Variants in PGAP2 observed in about 807,000 individuals in gnomAD.
PGAP2 encodes the protein acyltransferase PGAP2.
Under a neutral mutation model 33.2 loss-of-function variants are expected in PGAP2, and 21 were observed. That is an observed-to-expected ratio of 0.63 (90% CI 0.45 to 0.91). PGAP2 has a LOEUF of 0.91. Among genes scored for constraint, PGAP2 ranks in the 40% least tolerant of loss-of-function variants. The pLI is 0.00. For missense variants in PGAP2, 345 were observed against 424.0 expected, an observed-to-expected ratio of 0.81 and a Z score of 1.64; for synonymous variants, 161 against 172.9, an observed-to-expected ratio of 0.93 and a Z score of 0.54.
At chr11:3,798,636 T>C (rs1276020094) in intron 1 of PGAP2, among the ~76,000 whole-genome samples, 6 of 9,908 alleles carry the variant, frequency 6.1e-4, no homozygotes, top group African/African-American at 1.1e-3. Flanking sequence ...CATGAACTAA[T>C]TTTTTTTTTT....
In PGAP2 at chr11:3,825,056, A is replaced by T; in HGVS notation, c.745A>T (p.Ile249Phe). The T allele has an allele frequency of 6.2e-7, 1 of 1,614,150 alleles. No individual in the cohort carries two copies. Among genetic ancestry groups the T allele is most frequent in the Non-Finnish European group, 8.5e-7 (1 of 1,180,010 alleles). The change falls in exon 6 of 7, where the codon ATC (isoleucine) becomes TTC (phenylalanine). Residue 249 changes from isoleucine (I) to phenylalanine (F), a missense_variant. Transcript: ENST00000278243. ...CTACAGCTGGAAACAGCGGCTCTTC[A>T]TCATCAACTTCATCTCCTTCTTCTC... Reference protein sequence around the residue: ...KSYSWKQRLFIINFISFFSAL... With the variant: ...KSYSWKQRLFFINFISFFSAL...
chr11:3,822,227 G>A (rs1456230992), intron 3 of PGAP2, among the ~76,000 whole-genome samples: 1 of 152,056 alleles, frequency 6.6e-6, no homozygotes, highest in Non-Finnish European at 1.5e-5. Context: ...AGCCGGGCGT[G>A]GTGACGGGCG....
At chr11:3,817,253 C>G in intron 2 of PGAP2, 100 bp from the exon 3 acceptor site, 1 of 890,912 alleles carries the variant, frequency 1.1e-6, no homozygotes, top group South Asian at 1.6e-5. Context: ...TCTGCTCTGG[C>G]TTTTCCTTAT....
chr11:3,819,534 G>A (rs780540070), intron 3 of PGAP2, among the ~76,000 whole-genome samples: 20 of 151,924 alleles, frequency 1.3e-4, no homozygotes, highest in Non-Finnish European at 2.4e-4. Flanking sequence ...AATGTGGGGG[G>A]ACTTTTACCT....
At chr11:3,825,282 G>A (rs1361261397) in intron 6 of PGAP2, 46 bp from the exon 7 acceptor site, 1 of 1,600,866 alleles carries the variant, frequency 6.2e-7, no homozygotes, top group Non-Finnish European at 8.5e-7. Context: ...CTCTGAGCGG[G>A]TAGCTGGAAG....
At chr11:3,814,815 T>TTTCTTTCTCG (rs2086584302) in intron 2 of PGAP2, among the ~76,000 whole-genome samples, 1 of 121,304 alleles carries the variant, frequency 8.2e-6, no homozygotes, top group African/African-American at 2.8e-5. Flanking sequence ...TTTCTTTCTC[T>TTTCTTTCTCG]TTCTTTCTTT....
At chr11:3,819,261 G>A (rs1231546209) in intron 3 of PGAP2, among the ~76,000 whole-genome samples, 1 of 152,032 alleles carries the variant, frequency 6.6e-6, no homozygotes, top group Non-Finnish European at 1.5e-5. Flanking sequence ...GCCATGTTGT[G>A]TAGGCTGGAG....
intron 1 of PGAP2, among the ~76,000 whole-genome samples, chr11:3,798,719 C>T (rs541524806): frequency 1.5e-3 from 224 of 150,956 alleles, no homozygotes; most frequent in African/African-American, 5.3e-3. Context: ...TCTCGGCTCA[C>T]TGCAATCTCC....
upstream of PGAP2, chr11:3,808,062 C>G (rs2084744537): frequency 2.1e-6 from 3 of 1,419,538 alleles, no homozygotes; most frequent in Non-Finnish European, 2.8e-6. Flanking sequence ...TGGGATGTGC[C>G]TCACCGGGTC....
Position 3,825,775 on chromosome 11 carries a change from A to T in PGAP2, c.*317A>T, listed in dbSNP as rs2089924722. The T allele has an allele frequency of 4.0e-6, 1 of 247,010 alleles. No individual in the cohort carries two copies. Among genetic ancestry groups the T allele is most frequent in the African/African-American group, 2.2e-5 (1 of 44,694 alleles). The allele number at this position is 247,010 out of a possible 1,614,324, so 15.3% of individuals were successfully genotyped here. A position where few individuals can be genotyped will look rare whatever the true frequency, so the allele number is the denominator to read the frequency against. On this transcript the variant is annotated 3_prime_UTR_variant, in exon 7 of 7. Transcript: ENST00000278243. ...GACCACCATCCAGTTTCTGGCCTTTACACAGTCACCTTTCACTGAGGTCAG... is the reference window on the plus strand; with the variant it reads ...GACCACCATCCAGTTTCTGGCCTTTTCACAGTCACCTTTCACTGAGGTCAG...
chr11:3,823,054 T>TTTTTTTTTTTTTTG lies in PGAP2; in HGVS notation c.349-829_349-828insTTTTTTTTTTTTTG, dbSNP rs1316682518. 1.4e-5 allele frequency: 8 copies of TTTTTTTTTTTTTTG among 565,094 alleles called. 1 individual carries two copies. In the African/African-American group the frequency reaches 1.9e-4, roughly 14 times the overall value. The allele number at this position is 565,094 out of a possible 1,614,324, so 35.0% of individuals were successfully genotyped here. On this transcript the variant is annotated intron_variant, in intron 3 of 6. Coordinates refer to ENST00000278243, the MANE Select transcript of PGAP2 (RefSeq NM_014489.4). ...TTTTTTTTTTTTTTTTTTTTTTTTT[T>TTTTTTTTTTTTTTG]GAGACAGAGTCTCACTCTGTTGCCC...
At position 3,811,505 on chromosome 11, in the gene PGAP2, A is replaced by T. The variant is rs1196498772; in HGVS notation, c.165+81A>T. ...ATCTTGAATATCTTTTAACAAGATT[A>T]GCCAGCTCTCCACTGGGGCCCATCA... On this transcript the variant is annotated intron_variant, in intron 2 of 6. Coordinates refer to ENST00000278243, the MANE Select transcript of PGAP2 (RefSeq NM_014489.4). This position sits in a 1 kb window ranked among gnomAD's most constrained non-coding sequence, Gnocchi z 4.6. 7.4e-7 allele frequency: 1 copy of T among 1,354,978 alleles called. No individual in the cohort carries two copies. Among genetic ancestry groups the T allele is most frequent in the African/African-American group, 1.4e-5 (1 of 69,178 alleles). The allele number at this position is 1,354,978 out of a possible 1,614,324, so 83.9% of individuals were successfully genotyped here.
upstream of PGAP2, chr11:3,808,550 C>T (rs1055100903): frequency 5.8e-6 from 8 of 1,391,008 alleles, no homozygotes; most frequent in African/African-American, 1.2e-4. Context: ...GCGCCGGCCC[C>T]GCCCCCGCCG....
At chr11:3,799,745 G>A (rs1469280630) in intron 1 of PGAP2, among the ~76,000 whole-genome samples, 2 of 152,178 alleles carry the variant, frequency 1.3e-5, no homozygotes, top group African/African-American at 2.4e-5. Context: ...AAGGTAGGAG[G>A]ATCACTTGAA....
chr11:3,825,223 C>G (rs762194199), intron 6 of PGAP2, 95 bp downstream of exon 6: 1 of 1,558,280 alleles, frequency 6.4e-7, no homozygotes, highest in Non-Finnish European at 8.8e-7. Context: ...GACTGGCTGC[C>G]ATTGTGTTCT....
chr11:3,814,756 CTTTCT>C (rs1565011600), intron 2 of PGAP2, among the ~76,000 whole-genome samples: 1 of 47,820 alleles, frequency 2.1e-5, no homozygotes, highest in Non-Finnish European at 4.5e-5. Context: ...TCTTTTCTTT[CTTTCT>C]TTCTTTCTTT....
At chr11:3,816,469 T>G (rs997806151) in intron 2 of PGAP2, among the ~76,000 whole-genome samples, 1 of 151,828 alleles carries the variant, frequency 6.6e-6, no homozygotes, top group African/African-American at 2.4e-5. Context: ...GAGAAGAGAT[T>G]GGAAGAAGCT....
At position 3,811,316 on chromosome 11, in the gene PGAP2, C is replaced by T. The variant is rs1482050810; in HGVS notation, c.57C>T (p.Phe19=). 6.2e-7 allele frequency: 1 copy of T among 1,614,092 alleles called. No individual in the cohort carries two copies. The highest frequency in any genetic ancestry group is 8.5e-7 in the Non-Finnish European group (1 of 1,179,946). The part of the protein sequence containing the change: ...DRDGTLVRLR[F]TMVALVTVCC... ...ATGGGACCCTGGTACGGCTCCGCTTCACCATGGTGGCCCTGGTCACGGTCT... is the reference window on the plus strand; with the variant it reads ...ATGGGACCCTGGTACGGCTCCGCTTTACCATGGTGGCCCTGGTCACGGTCT... The change falls in exon 2 of 7, where the codon TTC becomes TTT. Residue 19 remains phenylalanine (F), a synonymous_variant. Transcript: ENST00000278243. The surrounding 1 kb of genome is among the most constrained non-coding windows in gnomAD (Gnocchi z 4.6).
chr11:3,823,784 T>G, intron 3 of PGAP2, 99 bp from the exon 4 acceptor site: 1 of 1,598,900 alleles, frequency 6.3e-7, no homozygotes, highest in South Asian at 1.1e-5. Flanking sequence ...GGGGAGGGGC[T>G]GGAGCAGAGG....
Sources: gnomAD v4.1 joint callset for allele counts (sites outside exome capture counted in the v4.1 genomes callset) on GRCh38, gnomAD v4.1.1 for gene constraint, Gnocchi (gnomAD v3.1) non-coding constraint, MANE v1.5 for transcripts, NCBI Gene and HGNC (gene_info 2026-07-23, HGNC 2026-07-21) for gene names.